DOCK2: variants seen among roughly 807,000 people sequenced by gnomAD.
DOCK2 encodes dedicator of cytokinesis protein 2.
In DOCK2, 87 loss-of-function variants were observed where a neutral mutation model predicts 248.9. That is an observed-to-expected ratio of 0.35 (90% CI 0.29 to 0.42). The LOEUF (loss-of-function observed/expected upper bound fraction) is 0.42, where lower values mean the gene tolerates loss of function less well. Ranked by LOEUF, DOCK2 falls within the 10% of genes least tolerant of loss-of-function variation. The pLI, the probability that DOCK2 is intolerant of heterozygous loss-of-function variation, is 1.00. For missense variants in DOCK2, 1,747 were observed against 2,300.2 expected (o/e 0.76, Z 4.92); for synonymous variants, 805 against 821.6 (o/e 0.98, Z 0.35).
intron 27 of DOCK2, among the ~76,000 whole-genome samples, chr5:169,902,888 AAGAGATCG>A (rs1380254023): frequency 6.6e-6 from 1 of 152,110 alleles, no homozygotes; most frequent in Non-Finnish European, 1.5e-5. Context: ...TCACAAGGTC[AAGAGATCG>A]AGACCATCTT....
chr5:169,966,721 G>A lies in DOCK2; in HGVS notation c.2800-16347G>A, dbSNP rs560078207. Among the ~76,000 whole-genome samples the A allele has an allele frequency of 5.3e-5, 8 of 152,282 alleles. No individual in the cohort carries two copies. The South Asian group carries it at 1.4e-3, about 28-fold the overall frequency. ...TGAGACTATGGTCTCCTCACTCTGG[G>A]ACAAGTGTTGTTTCCTACTACCTCC... On this transcript the variant is annotated intron_variant, in intron 27 of 51. Transcript: ENST00000520908.
Position 169,845,091 on chromosome 5 carries a change from G to C in DOCK2, c.2799+4239G>C, listed in dbSNP as rs1274543512. The stretch of plus-strand genomic sequence containing the variant: ...CACTGCACCCCAAACTCAACTCATT[G>C]CCAGGTCCCTGAAGCCCACTCCACA... On this transcript the variant is annotated intron_variant, in intron 27 of 51. Transcript: ENST00000520908. Among the ~76,000 whole-genome samples the C allele has an allele frequency of 2.7e-5, 4 of 150,652 alleles. No individual in the cohort carries two copies. In the East Asian group the frequency reaches 7.8e-4, roughly 29 times the overall value.
intron 27 of DOCK2, among the ~76,000 whole-genome samples, chr5:169,853,134 T>C (rs1770701474): frequency 6.6e-6 from 1 of 152,244 alleles, no homozygotes; most frequent in Non-Finnish European, 1.5e-5. Flanking sequence ...CCTGCACAAG[T>C]GCTCTTTTGT....
At chr5:170,049,250 G>A (rs1023026009) in intron 40 of DOCK2, among the ~76,000 whole-genome samples, 1 of 152,188 alleles carries the variant, frequency 6.6e-6, no homozygotes, top group African/African-American at 2.4e-5. Context: ...AAGTACCTGG[G>A]ACTACAGGCA....
At chr5:170,061,939 G>A (rs951494636) in intron 44 of DOCK2, among the ~76,000 whole-genome samples, 1 of 152,162 alleles carries the variant, frequency 6.6e-6, no homozygotes, top group African/African-American at 2.4e-5. Flanking sequence ...TAGACCGTGG[G>A]TTTCACCTTG....
intron 46 of DOCK2, 107 bp from the exon 47 acceptor site, chr5:170,075,836 CTTGA>C: frequency 6.9e-7 from 1 of 1,443,490 alleles, no homozygotes; most frequent in African/African-American, 1.4e-5. Context: ...CCCTGAAGCC[CTTGA>C]TGAATTCTTA....
intron 27 of DOCK2, among the ~76,000 whole-genome samples, chr5:169,856,847 C>T (rs375358211): frequency 1.4e-4 from 21 of 152,278 alleles, no homozygotes; most frequent in African/African-American, 5.1e-4. Flanking sequence ...TGTCTGCTAC[C>T]TGGGAAACCA....
At chr5:170,080,565 C>T (rs1757994192) in intron 50 of DOCK2, 1 of 402,130 alleles carries the variant, frequency 2.5e-6, no homozygotes, top group Admixed American at 3.7e-5. Flanking sequence ...ACTAGGTGGC[C>T]CCTTGTTCTC....
At chr5:169,675,639 G>A (rs937347450) in intron 6 of DOCK2, among the ~76,000 whole-genome samples, 4 of 152,180 alleles carry the variant, frequency 2.6e-5, no homozygotes, top group African/African-American at 9.7e-5. Context: ...TATTAAGCAG[G>A]CTAAAAAAGG....
At chr5:169,736,596 G>A (rs1038495097) in intron 22 of DOCK2, among the ~76,000 whole-genome samples, 1 of 152,182 alleles carries the variant, frequency 6.6e-6, no homozygotes, top group African/African-American at 2.4e-5. Flanking sequence ...TCCCACTTTG[G>A]AAGGCATCTG....
rs1005080004 is a variant in DOCK2, at chr5:169,804,502, G to T, written c.2703+1296G>T. On this transcript the variant is annotated intron_variant, in intron 26 of 51. Transcript: ENST00000520908. The stretch of plus-strand genomic sequence containing the variant: ...TGTGTGTGTGCGCGCGCGCGTGCGC[G>T]TAAGCATTTTTGTCAAGGAAGCCTA... 7.4e-5 allele frequency among the ~76,000 whole-genome samples: 3 copies of T among 40,536 alleles called. 1 individual carries two copies. Among genetic ancestry groups the T allele is most frequent in the Admixed American group, 5.1e-4 (1 of 1,968 alleles). 26.6% of individuals were successfully genotyped at this position (40,536 alleles called of 152,430 possible).
In DOCK2 at chr5:169,681,891, T is replaced by A. The variant is rs1759688960; in HGVS notation, c.606+12T>A. 6.2e-7 allele frequency: 1 copy of A among 1,612,560 alleles called. No individual in the cohort carries two copies. The highest frequency in any genetic ancestry group is 1.3e-5 in the African/African-American group (1 of 74,884). On this transcript the variant is annotated intron_variant, in intron 7 of 51. Transcript: ENST00000520908. The stretch of plus-strand genomic sequence containing the variant: ...TCAAAGAAGAAATGGTGAGCTTTAC[T>A]AAATAGGCTTTGGCCAAGTGATACA...
At chr5:169,906,934 C>A (rs536802441) in intron 27 of DOCK2, among the ~76,000 whole-genome samples, 1 of 152,278 alleles carries the variant, frequency 6.6e-6, no homozygotes, top group Non-Finnish European at 1.5e-5. Flanking sequence ...GAGGGAAATA[C>A]TATCATTCAA....
intron 27 of DOCK2, chr5:169,875,448 C>T: frequency 2.7e-6 from 1 of 376,478 alleles, no homozygotes; most frequent in South Asian, 2.0e-5. Context: ...GAACATTCCA[C>T]TGAGACCTAA....
chr5:169,803,287 G>T lies in DOCK2; in HGVS notation c.2703+81G>T. The T allele has an allele frequency of 2.0e-6, 3 of 1,521,706 alleles. No individual in the cohort carries two copies. The South Asian group carries it at 3.9e-5, about 20-fold the overall frequency. 94.3% of individuals were successfully genotyped at this position (1,521,706 alleles called of 1,614,324 possible). Reference sequence around the variant, plus strand: ...ACATTGTGAAATATTGATACTGATGGATAGCAGCTGGAGTCTAAAGATAAA... The same window carrying T: ...ACATTGTGAAATATTGATACTGATGTATAGCAGCTGGAGTCTAAAGATAAA... On this transcript the variant is annotated intron_variant, in intron 26 of 51. Transcript: ENST00000520908.
intron 26 of DOCK2, among the ~76,000 whole-genome samples, chr5:169,829,338 A>T (rs899861646): frequency 1.3e-5 from 2 of 152,242 alleles, no homozygotes; most frequent in Non-Finnish European, 2.9e-5. Context: ...ACAGAGTTAA[A>T]CAGGTTGCCT....
intron 22 of DOCK2, among the ~76,000 whole-genome samples, chr5:169,741,841 G>A (rs994146235): frequency 1.0e-4 from 13 of 124,610 alleles, no homozygotes; most frequent in Admixed American, 4.3e-4. Flanking sequence ...ACGGAGTCTC[G>A]CTCTGTCTCC....
At chr5:169,738,965 C>A (rs967541027) in intron 22 of DOCK2, among the ~76,000 whole-genome samples, 1 of 152,212 alleles carries the variant, frequency 6.6e-6, no homozygotes, top group Non-Finnish European at 1.5e-5. Flanking sequence ...GCACTCAAAC[C>A]TCAGTGTGTT....
intron 22 of DOCK2, among the ~76,000 whole-genome samples, chr5:169,734,311 G>A (rs1246257655): frequency 1.3e-5 from 2 of 152,036 alleles, no homozygotes; most frequent in African/African-American, 4.8e-5. Flanking sequence ...TTGAAGCATA[G>A]TGAGTGTGCT....
Sources: allele counts gnomAD v4.1 joint callset (sites outside exome capture counted in the v4.1 genomes callset), GRCh38; gene constraint gnomAD v4.1.1; transcripts MANE v1.5; gene names NCBI Gene and HGNC (gene_info 2026-07-23, HGNC 2026-07-21).